SLX4IP: variants seen among roughly 807,000 people sequenced by gnomAD.
SLX4IP encodes the protein SLX4 interacting protein, also known as protein SLX4IP.
In SLX4IP, 34 loss-of-function variants were observed where a neutral mutation model predicts 32.9. The observed-to-expected ratio is 1.03, with a 90% CI of 0.79 to 1.38. The LOEUF (loss-of-function observed/expected upper bound fraction) is 1.38. SLX4IP is among the 40% of genes most tolerant of loss of function. The probability of loss-of-function intolerance (pLI) is 0.00; values close to 1 mark genes in which losing one functional copy is unlikely to be tolerated. For missense variants in SLX4IP, 444 were observed against 479.0 expected, an observed-to-expected ratio of 0.93 and a Z score of 0.68; for synonymous variants, 172 against 171.7, an observed-to-expected ratio of 1.00 and a Z score of -0.01.
At chr20:10,525,872 T>C (rs1013468737) in intron 2 of SLX4IP, among the ~76,000 whole-genome samples, 4 of 152,224 alleles carry the variant, frequency 2.6e-5, no homozygotes, top group Admixed American at 6.5e-5. Flanking sequence ...TCTTGACTTA[T>C]TCCTTTTTCG....
At chr20:10,529,560 C>T (rs367842358) in intron 2 of SLX4IP, among the ~76,000 whole-genome samples, 8 of 121,578 alleles carry the variant, frequency 6.6e-5, no homozygotes, top group African/African-American at 2.5e-4. Flanking sequence ...CACTGCACTC[C>T]AGTCTGGGTG....
Position 10,623,011 on chromosome 20 carries a change from C to T in SLX4IP, c.859C>T (p.Pro287Ser). The T allele has an allele frequency of 1.2e-6, 2 of 1,614,198 alleles. No individual in the cohort carries two copies. The highest frequency in any genetic ancestry group is 1.7e-6 in the Non-Finnish European group (2 of 1,180,042). ...AGCATCACCATGTCCAAAACAAAGT[C>T]CACGAGTGGCCAAAACCCAACAGAA... is the stretch of plus-strand genomic sequence containing the variant. ...ESASPCPKQSPRVAKTQQKRR... is the reference protein window; with the variant it reads ...ESASPCPKQSSRVAKTQQKRR... The change falls in exon 8 of 8, where the codon CCA becomes TCA. Residue 287 changes from proline to serine, a missense_variant. By Grantham distance (74) the Pro-to-Ser change is moderately conservative (BLOSUM62 -1). Transcript: ENST00000334534.
chr20:10,470,678 G>T (rs1309350545), intron 2 of SLX4IP, among the ~76,000 whole-genome samples: 1 of 152,184 alleles, frequency 6.6e-6, no homozygotes, highest in African/African-American at 2.4e-5. Context: ...CAGTGGAATA[G>T]CATTATATAG....
chr20:10,545,651 TG>T (rs989351743), intron 2 of SLX4IP, among the ~76,000 whole-genome samples: 3 of 152,146 alleles, frequency 2.0e-5, no homozygotes, highest in African/African-American at 7.2e-5. Flanking sequence ...ATTACCACTG[TG>T]GGGGGGATTC....
intron 1 of SLX4IP, among the ~76,000 whole-genome samples, chr20:10,451,308 C>G (rs898268077): frequency 6.6e-6 from 1 of 151,908 alleles, no homozygotes; most frequent in Non-Finnish European, 1.5e-5. Context: ...TTACAGGCGC[C>G]CACCACCATG....
intron 2 of SLX4IP, among the ~76,000 whole-genome samples, chr20:10,458,649 A>G (rs993877628): frequency 7.9e-5 from 12 of 152,044 alleles, no homozygotes; most frequent in African/African-American, 2.7e-4. Context: ...TGTTGAGGAT[A>G]ATGCCTTCCA....
At chr20:10,543,304 T>C (rs1455223453) in intron 2 of SLX4IP, among the ~76,000 whole-genome samples, 1 of 152,216 alleles carries the variant, frequency 6.6e-6, no homozygotes, top group Admixed American at 6.5e-5. Context: ...TGTTTGAGGG[T>C]AAACATTAAT....
intron 2 of SLX4IP, among the ~76,000 whole-genome samples, chr20:10,514,642 C>G (rs1345654365): frequency 6.6e-6 from 1 of 152,184 alleles, no homozygotes; most frequent in East Asian, 1.9e-4. Context: ...AAATGTATTT[C>G]TTCTCTGTCA....
At chr20:10,602,186 G>C (rs1236906641) in intron 6 of SLX4IP, among the ~76,000 whole-genome samples, 1 of 152,120 alleles carries the variant, frequency 6.6e-6, no homozygotes, top group Admixed American at 6.5e-5. Context: ...GGGGTCAGTG[G>C]CTTTTAAATT....
At position 10,560,807 on chromosome 20, in the gene SLX4IP, C is replaced by G; in HGVS notation, c.225C>G (p.Pro75=). The change falls in exon 4 of 8, where the codon CCC becomes CCG. Residue 75 remains proline (P), a synonymous_variant. Transcript: ENST00000334534. Reference sequence around the variant, plus strand: ...ATGCAGAATTCACAAGATCCAATCCCTTGTCCTTAAAAGGTAGGCACAGAG... The same window carrying G: ...ATGCAGAATTCACAAGATCCAATCCGTTGTCCTTAAAAGGTAGGCACAGAG... ...PSNAEFTRSN[P]LSLKGYGFQI... 1 of 1,600,836 alleles carries G rather than the reference C, an allele frequency of 6.2e-7. No homozygotes were observed. The highest frequency in any genetic ancestry group is 1.1e-5 in the South Asian group (1 of 88,202).
intron 1 of SLX4IP, among the ~76,000 whole-genome samples, chr20:10,444,612 G>A (rs902278304): frequency 3.3e-5 from 5 of 151,956 alleles, no homozygotes; most frequent in Non-Finnish European, 7.4e-5. Flanking sequence ...TCCTGACCTC[G>A]TGATCCGCCC....
At chr20:10,499,368 A>G (rs1047335663) in intron 2 of SLX4IP, among the ~76,000 whole-genome samples, 1 of 152,248 alleles carries the variant, frequency 6.6e-6, no homozygotes, top group Non-Finnish European at 1.5e-5. Context: ...AAACCAAAGT[A>G]TCACAAAATA....
intron 4 of SLX4IP, among the ~76,000 whole-genome samples, chr20:10,574,986 T>A (rs1191543790): frequency 6.6e-6 from 1 of 152,138 alleles, no homozygotes; most frequent in Non-Finnish European, 1.5e-5. Flanking sequence ...AGACTTTTTT[T>A]TAATGAGTTG....
At chr20:10,598,471 C>T (rs566470613) in intron 4 of SLX4IP, among the ~76,000 whole-genome samples, 205 of 152,312 alleles carry the variant, frequency 1.3e-3, no homozygotes, top group African/African-American at 4.7e-3. Flanking sequence ...ACCATGTTGG[C>T]CAGGCTGGTC....
intron 4 of SLX4IP, among the ~76,000 whole-genome samples, chr20:10,567,645 C>T (rs966098518): frequency 1.3e-5 from 2 of 152,228 alleles, no homozygotes; most frequent in Non-Finnish European, 2.9e-5. Context: ...AGAACTTTCA[C>T]AAAATGTATA....
chr20:10,468,211 C>T (rs141032135), intron 2 of SLX4IP, among the ~76,000 whole-genome samples: 11 of 152,256 alleles, frequency 7.2e-5, no homozygotes, highest in East Asian at 1.9e-4. Context: ...ACTTACTAAA[C>T]GCATTCCTGC....
intron 2 of SLX4IP, among the ~76,000 whole-genome samples, chr20:10,529,590 C>CA (rs71334410): frequency 0.05 from 2,663 of 53,132 alleles, 270 homozygotes; most frequent in Admixed American, 0.16. Context: ...GACTCCATCT[C>CA]AAAAAAAAAA....
At chr20:10,555,849 C>A (rs1238812584) in intron 2 of SLX4IP, among the ~76,000 whole-genome samples, 1 of 152,106 alleles carries the variant, frequency 6.6e-6, no homozygotes, top group Non-Finnish European at 1.5e-5. Flanking sequence ...AGAAAGAATT[C>A]CCCTGGCTGT....
At chr20:10,460,964 T>A (rs2047498925) in intron 2 of SLX4IP, among the ~76,000 whole-genome samples, 1 of 152,224 alleles carries the variant, frequency 6.6e-6, no homozygotes, top group Non-Finnish European at 1.5e-5. Flanking sequence ...TGGGATAAAA[T>A]GTATGTCTTC....
Sources: gnomAD v4.1 joint callset for allele counts (sites outside exome capture counted in the v4.1 genomes callset) on GRCh38, gnomAD v4.1.1 for gene constraint, MANE v1.5 for transcripts, NCBI Gene and HGNC (gene_info 2026-07-23, HGNC 2026-07-21) for gene names.